DMRT1: variants seen among roughly 807,000 people sequenced by gnomAD.
The protein encoded by DMRT1 is doublesex and mab-3 related transcription factor 1.
DMRT1 carries 7 observed loss-of-function variants against 32.3 expected under a neutral mutation model. The observed-to-expected ratio is 0.22, with a 90% CI of 0.12 to 0.41. The LOEUF (loss-of-function observed/expected upper bound fraction) is 0.41. Ranked by LOEUF, DMRT1 falls within the 10% of genes least tolerant of loss-of-function variation. DMRT1 has a pLI of 1.00. For synonymous variants in DMRT1, 278 were observed against 206.1 expected (o/e 1.35, Z -2.99); for missense variants, 625 against 500.5 (o/e 1.25, Z -2.37).
At chr9:901,230 G>C (rs1817561316) in intron 3 of DMRT1, among the ~76,000 whole-genome samples, 1 of 152,114 alleles carries the variant, frequency 6.6e-6, no homozygotes, top group African/African-American at 2.4e-5. Flanking sequence ...GCCTGGGCTG[G>C]TCTCAGACTC....
At position 860,055 on chromosome 9, in the gene DMRT1, G is replaced by T. The variant is rs1052171472; in HGVS notation, c.538+12912G>T. On this transcript the variant is annotated intron_variant, in intron 2 of 4. Coordinates refer to ENST00000382276, the MANE Select transcript of DMRT1 (RefSeq NM_021951.3). Reference sequence around the variant, plus strand: ...CTCACGCCTGTAATCCCAGCACTTTGGGAGGCCGAGGTGGGTGGATCACTT... The same window carrying T: ...CTCACGCCTGTAATCCCAGCACTTTTGGAGGCCGAGGTGGGTGGATCACTT... Among the ~76,000 whole-genome samples the T allele has an allele frequency of 7.2e-5, 11 of 152,320 alleles. No individual in the cohort carries two copies. The South Asian group carries it at 2.1e-3, about 29-fold the overall frequency.
chr9:888,520 G>T (rs540466954), intron 2 of DMRT1, among the ~76,000 whole-genome samples: 1 of 151,980 alleles, frequency 6.6e-6, no homozygotes, highest in East Asian at 1.9e-4. Context: ...GGTTGGTCTC[G>T]AACTCCTGGG....
chr9:928,858 A>G (rs1448027332), intron 4 of DMRT1, among the ~76,000 whole-genome samples: 2 of 150,946 alleles, frequency 1.3e-5, no homozygotes, highest in African/African-American at 4.9e-5. Flanking sequence ...TTATTTATTT[A>G]TTTATTTATT....
intron 2 of DMRT1, among the ~76,000 whole-genome samples, chr9:869,754 C>T (rs995465674): frequency 6.6e-6 from 1 of 152,008 alleles, no homozygotes. Flanking sequence ...TCATTATTTT[C>T]TATTTTTTCT....
intron 4 of DMRT1, among the ~76,000 whole-genome samples, chr9:963,678 C>G (rs900434115): frequency 6.6e-6 from 1 of 152,172 alleles, no homozygotes; most frequent in Non-Finnish European, 1.5e-5. Flanking sequence ...TGCCAAGCTT[C>G]GGACAGCTAA....
intron 3 of DMRT1, among the ~76,000 whole-genome samples, chr9:909,964 TC>T (rs1430543986): frequency 6.6e-6 from 1 of 152,212 alleles, no homozygotes; most frequent in African/African-American, 2.4e-5. Flanking sequence ...TCCTTCCTCC[TC>T]AGCCTCCCAC....
intron 4 of DMRT1, among the ~76,000 whole-genome samples, chr9:937,716 G>A (rs1449810265): frequency 2.0e-5 from 3 of 152,082 alleles, no homozygotes; most frequent in African/African-American, 7.2e-5. Context: ...TGTCGTTGTT[G>A]TAGGAGTTCT....
intron 2 of DMRT1, among the ~76,000 whole-genome samples, chr9:878,040 G>A (rs545038220): frequency 1.4e-4 from 21 of 152,314 alleles, no homozygotes; most frequent in African/African-American, 4.6e-4. Flanking sequence ...CATAGACCAC[G>A]CTAGGAGAAA....
At chr9:959,454 C>A (rs1026361439) in intron 4 of DMRT1, among the ~76,000 whole-genome samples, 21 of 152,246 alleles carry the variant, frequency 1.4e-4, no homozygotes, top group African/African-American at 5.1e-4. Context: ...TATGTAGTCA[C>A]TACAGGCAGA....
At chr9:939,882 A>G (rs1373848545) in intron 4 of DMRT1, among the ~76,000 whole-genome samples, 2 of 152,188 alleles carry the variant, frequency 1.3e-5, no homozygotes, top group Non-Finnish European at 2.9e-5. Context: ...GATTTGCCCA[A>G]TTTAAAAATG....
intron 4 of DMRT1, among the ~76,000 whole-genome samples, chr9:940,649 T>C (rs1689243499): frequency 6.6e-6 from 1 of 152,146 alleles, no homozygotes; most frequent in Non-Finnish European, 1.5e-5. Flanking sequence ...CGATGACTTC[T>C]TGGATATGAC....
chr9:906,031 C>A (rs1885777), intron 3 of DMRT1, among the ~76,000 whole-genome samples: 4,243 of 19,306 alleles, frequency 0.22, 176 homozygotes, highest in African/African-American at 0.31. Context: ...ACACACACAC[C>A]CACACACACA....
chr9:959,914 G>C (rs1486456020), intron 4 of DMRT1, among the ~76,000 whole-genome samples: 2 of 152,220 alleles, frequency 1.3e-5, no homozygotes, highest in African/African-American at 2.4e-5. Flanking sequence ...TCTTGTGAAG[G>C]CTACATTCCA....
intron 4 of DMRT1, among the ~76,000 whole-genome samples, chr9:946,319 A>G (rs1819244181): frequency 6.6e-6 from 1 of 152,140 alleles, no homozygotes; most frequent in Non-Finnish European, 1.5e-5. Flanking sequence ...GGTATTATCC[A>G]ACATGTACAT....
chr9:967,758 C>G (rs1819976928), intron 4 of DMRT1, among the ~76,000 whole-genome samples: 1 of 152,196 alleles, frequency 6.6e-6, no homozygotes, highest in South Asian at 2.1e-4. Flanking sequence ...ATCTAGCTTA[C>G]TCCTTTCGTT....
rs140434121 is a variant in DMRT1 at position 897,374 on chromosome 9, C to T, written c.822+3179C>T. Among the ~76,000 whole-genome samples the T allele has an allele frequency of 5.6e-3, 855 of 151,942 alleles. 8 individuals carry two copies. Among genetic ancestry groups the T allele is most frequent in the African/African-American group, 0.02 (812 of 41,440 alleles). On this transcript the variant is annotated intron_variant, in intron 3 of 4. Coordinates refer to ENST00000382276, the MANE Select transcript of DMRT1 (RefSeq NM_021951.3). ...CTCGTGATCCACCAGCCTCGGGCTCCCAAAGTGCTGGGATTACAGGCGTGA... is the reference window on the plus strand; with the variant it reads ...CTCGTGATCCACCAGCCTCGGGCTCTCAAAGTGCTGGGATTACAGGCGTGA...
At chr9:961,061 C>A (rs1819756269) in intron 4 of DMRT1, among the ~76,000 whole-genome samples, 1 of 152,168 alleles carries the variant, frequency 6.6e-6, no homozygotes, top group South Asian at 2.1e-4. Context: ...CCCAATTTTA[C>A]ACATGAGGAA....
chr9:908,598 A>G (rs4742548), intron 3 of DMRT1, among the ~76,000 whole-genome samples: 4,794 of 151,776 alleles, frequency 0.032, 209 homozygotes, highest in East Asian at 0.17. Flanking sequence ...TTGTTTTTTT[A>G]TGGTTCACCT....
Position 894,177 on chromosome 9 carries a change from G to A in DMRT1, c.804G>A (p.Gln268=), listed in dbSNP as rs527710563. 2.4e-5 allele frequency: 38 copies of A among 1,613,726 alleles called. No individual in the cohort carries two copies. In the East Asian group the frequency reaches 7.8e-4, roughly 33 times the overall value. Residue 268 remains glutamine, a synonymous_variant, in exon 3 of 5, where the codon CAG becomes CAA. Coordinates refer to ENST00000382276, the MANE Select transcript of DMRT1 (RefSeq NM_021951.3). ...RGLPGPYVPG[Q]TGNQWQMKNM... The stretch of plus-strand genomic sequence containing the variant: ...TCCCCGGACCTTATGTGCCTGGTCA[G>A]ACAGGAAACCAGTGGCAGGTATGAT...
Sources: allele counts gnomAD v4.1 joint callset (sites outside exome capture counted in the v4.1 genomes callset), GRCh38; gene constraint gnomAD v4.1.1; transcripts MANE v1.5; gene names NCBI Gene and HGNC (gene_info 2026-07-23, HGNC 2026-07-21).